CCT2: variants seen among roughly 807,000 people sequenced by gnomAD.
CCT2 encodes the protein chaperonin containing TCP1 subunit 2, also known as T-complex protein 1 subunit beta.
Under a neutral mutation model 61.8 loss-of-function variants are expected in CCT2, and 18 were observed. That is an observed-to-expected ratio of 0.29 (90% CI 0.20 to 0.43). The LOEUF (loss-of-function observed/expected upper bound fraction) is 0.43. Among genes scored for constraint, CCT2 ranks in the 20% least tolerant of loss-of-function variants. CCT2 has a pLI of 1.00. For missense variants in CCT2, 556 were observed against 656.9 expected (o/e 0.85, Z 1.68); for synonymous variants, 248 against 215.9 (o/e 1.15, Z -1.30).
At chr12:69,593,408 A>G (rs1881895387) in intron 9 of CCT2, 102 bp from the exon 10 acceptor site, 3 of 771,868 alleles carry the variant, frequency 3.9e-6, no homozygotes, top group Non-Finnish European at 6.2e-6. Context: ...TCTAATTTGC[A>G]TTTCTTTTAC....
intron 9 of CCT2, among the ~76,000 whole-genome samples, 189 bp from the exon 10 acceptor site, chr12:69,593,320 CT>C (rs1183862165): frequency 6.6e-6 from 1 of 152,172 alleles, no homozygotes. Flanking sequence ...AAGAACACTT[CT>C]TTTCAATACT....
chr12:69,589,814 T>C, intron 7 of CCT2, 127 bp downstream of exon 7: 3 of 706,840 alleles, frequency 4.2e-6, no homozygotes, highest in East Asian at 5.3e-5. Flanking sequence ...ACATATCATA[T>C]GTGCAACCAT....
chr12:69,594,463 A>G (rs1255677938), intron 10 of CCT2, among the ~76,000 whole-genome samples: 2 of 152,238 alleles, frequency 1.3e-5, no homozygotes, highest in Admixed American at 6.5e-5. Context: ...GAAAATTAGT[A>G]TACCTCAATA....
In CCT2 at chr12:69,593,990, G is replaced by A. The variant is rs539269930; in HGVS notation, c.982+377G>A. On this transcript the variant is annotated intron_variant, in intron 10 of 15. Transcript: ENST00000299300. ...ACATCCCTACAAAAAAAAAAAATTG[G>A]CCAGGTGTGGTGGCAAGCGCCTGTG... Among the ~76,000 whole-genome samples, 9 of 152,008 alleles carry A rather than the reference G, an allele frequency of 5.9e-5. No homozygotes were observed. The East Asian group carries it at 1.7e-3, about 29-fold the overall frequency.
intron 14 of CCT2, 95 bp downstream of exon 14, chr12:69,598,516 C>CTTTTGTTATT: frequency 1.5e-6 from 1 of 664,898 alleles, no homozygotes; most frequent in Non-Finnish European, 2.4e-6. Flanking sequence ...TTACAATAAC[C>CTTTTGTTATT]GTATAAAAGA....
Position 69,593,501 on chromosome 12 carries a change from T to C in CCT2, c.879-9T>C, listed in dbSNP as rs1209180351. On this transcript the variant is annotated splice_polypyrimidine_tract_variant and intron_variant, in intron 9 of 15. Coordinates refer to ENST00000299300, the MANE Select transcript of CCT2 (RefSeq NM_006431.3). The stretch of plus-strand genomic sequence containing the variant: ...GTGAGCATAATGTTTTCATGTATTT[T>C]ATTTACAGGCAATTAATTTATAATT... The C allele has an allele frequency of 3.8e-6, 6 of 1,562,058 alleles. No homozygotes were observed. In the East Asian group the frequency reaches 9.0e-5, roughly 23 times the overall value.
intron 6 of CCT2, among the ~76,000 whole-genome samples, chr12:69,588,897 A>G (rs890425727): frequency 2.6e-5 from 4 of 152,084 alleles, no homozygotes; most frequent in Admixed American, 1.3e-4. Context: ...TCACAACTGT[A>G]TAATAATACT....
chr12:69,585,473 G>C lies in CCT2; in HGVS notation c.-49G>C, dbSNP rs369960707. 4 of 1,554,750 alleles carry C rather than the reference G, an allele frequency of 2.6e-6. No homozygotes were observed. Among genetic ancestry groups the C allele is most frequent in the Non-Finnish European group, 2.6e-6 (3 of 1,148,214 alleles). ...CGGCTTCCTTCAGTCCGCTGGTCCCGAGCACGAGCTGTGAGGGGATTCACT... is the reference window on the plus strand; with the variant it reads ...CGGCTTCCTTCAGTCCGCTGGTCCCCAGCACGAGCTGTGAGGGGATTCACT... On this transcript the variant is annotated 5_prime_UTR_variant, in exon 1 of 16. Transcript: ENST00000299300.
rs537037047 is a variant in CCT2, at chr12:69,600,558, T to G, written c.1577+554T>G. 6.0e-5 allele frequency among the ~76,000 whole-genome samples: 9 copies of G among 149,656 alleles called. No individual in the cohort carries two copies. In the South Asian group the frequency reaches 6.5e-4, roughly 11 times the overall value. Reference sequence around the variant, plus strand: ...TTCCAGACCTACCAGACCATGGGCTTCTTTTTCATATTCCTTATTAATCTC... The same window carrying G: ...TTCCAGACCTACCAGACCATGGGCTGCTTTTTCATATTCCTTATTAATCTC... On this transcript the variant is annotated intron_variant, in intron 15 of 15. Transcript: ENST00000299300.
At chr12:69,599,805 G>C (rs1385770057) in intron 14 of CCT2, 58 bp from the exon 15 acceptor site, 10 of 1,354,732 alleles carry the variant, frequency 7.4e-6, no homozygotes, top group Non-Finnish European at 2.1e-6. Flanking sequence ...TAAATCATTA[G>C]AGATGTTTTG....
chr12:69,586,148 A>G (rs1203558471), intron 1 of CCT2, 122 bp from the exon 2 acceptor site: 1 of 1,142,996 alleles, frequency 8.7e-7, no homozygotes, highest in Non-Finnish European at 1.3e-6. Flanking sequence ...CATTTGATTG[A>G]AAACATTGTT....
At position 69,597,607 on chromosome 12, in the gene CCT2, C is replaced by T. The variant is rs561067684; in HGVS notation, c.1103-31C>T. 2.5e-6 allele frequency: 4 copies of T among 1,605,438 alleles called. No homozygotes were observed. In the African/African-American group the frequency reaches 4.0e-5, roughly 16 times the overall value. ...AATAATAGAAGGCAAACTTTTTATCCCTAAGTGGTCACTGTGTCTTTTAAT... is the reference window on the plus strand; with the variant it reads ...AATAATAGAAGGCAAACTTTTTATCTCTAAGTGGTCACTGTGTCTTTTAAT... On this transcript the variant is annotated intron_variant, in intron 11 of 15. Transcript: ENST00000299300.
rs562405461 is a variant in CCT2 at position 69,592,695 on chromosome 12, C to T, written c.751-281C>T. 352 of 270,526 alleles carry T rather than the reference C, an allele frequency of 1.3e-3. 1 individual carries two copies. The highest frequency in any genetic ancestry group is 1.8e-3 in the South Asian group (33 of 18,208). 16.8% of individuals were successfully genotyped at this position (270,526 alleles called of 1,614,324 possible). ...AATCCCAGTACTTTGGGAGGCCAGG[C>T]GGGCGGATCACAAGGTCAGGAGTTC... On this transcript the variant is annotated intron_variant, in intron 8 of 15. Coordinates refer to ENST00000299300, the MANE Select transcript of CCT2 (RefSeq NM_006431.3).
chr12:69,599,002 T>C lies in CCT2; in HGVS notation c.1435+581T>C, dbSNP rs181724659. Among the ~76,000 whole-genome samples, 14 of 152,226 alleles carry C rather than the reference T, an allele frequency of 9.2e-5. No homozygotes were observed. The East Asian group carries it at 1.5e-3, about 17-fold the overall frequency. On this transcript the variant is annotated intron_variant, in intron 14 of 15. Transcript: ENST00000299300. ...GAAGAGAAGTTGGGTAGGTAACTTA[T>C]GAATTTTCTTCCATTTGTTTTTTAT...
At chr12:69,598,226 C>T (rs1232378134) in intron 13 of CCT2, 96 bp from the exon 14 acceptor site, 5 of 1,050,560 alleles carry the variant, frequency 4.8e-6, no homozygotes, top group Non-Finnish European at 7.0e-6. Context: ...TTACATTGTT[C>T]CTAAATGTAT....
In CCT2 at chr12:69,601,447, A is replaced by G. The variant is rs1217371107; in HGVS notation, c.*122A>G. 1.9e-6 allele frequency: 3 copies of G among 1,587,842 alleles called. No homozygotes were observed. Among genetic ancestry groups the G allele is most frequent in the African/African-American group, 2.7e-5 (2 of 73,678 alleles). Reference sequence around the variant, plus strand: ...GCCCATTATATCCTTAAGTTTGGATATTTAGCTGACCTTCGCTTTAACATA... The same window carrying G: ...GCCCATTATATCCTTAAGTTTGGATGTTTAGCTGACCTTCGCTTTAACATA... On this transcript the variant is annotated 3_prime_UTR_variant, in exon 16 of 16. Coordinates refer to ENST00000299300, the MANE Select transcript of CCT2 (RefSeq NM_006431.3).
intron 7 of CCT2, 35 bp downstream of exon 7, chr12:69,589,722 T>A (rs991441962): frequency 2.6e-6 from 4 of 1,525,334 alleles, no homozygotes; most frequent in Non-Finnish European, 3.6e-6. Flanking sequence ...AAGCTTTGAT[T>A]AGATGCTGAG....
chr12:69,589,330 A>G, intron 6 of CCT2, 155 bp from the exon 7 acceptor site: 1 of 610,804 alleles, frequency 1.6e-6, no homozygotes, highest in Non-Finnish European at 2.8e-6. Context: ...TAACATCTTT[A>G]ATTTGTGTTT....
intron 1 of CCT2, 163 bp downstream of exon 1, chr12:69,585,687 A>T (rs531195601): frequency 2.0e-6 from 3 of 1,507,338 alleles, no homozygotes; most frequent in East Asian, 2.5e-5. Context: ...GCGCCAGGCC[A>T]GCCGGTGGAG....
Sources: gnomAD v4.1 joint callset for allele counts (sites outside exome capture counted in the v4.1 genomes callset) on GRCh38, gnomAD v4.1.1 for gene constraint, MANE v1.5 for transcripts, NCBI Gene and HGNC (gene_info 2026-07-23, HGNC 2026-07-21) for gene names.